The following NUP155 variants were observed in gnomAD, a reference collection of about 807,000 sequenced individuals.
NUP155 encodes the protein nucleoporin 155.
NUP155 carries 71 observed loss-of-function variants against 180.4 expected under a neutral mutation model. That is an observed-to-expected ratio of 0.39 (90% CI 0.33 to 0.48). The LOEUF (loss-of-function observed/expected upper bound fraction) is 0.48, where lower values mean the gene tolerates loss of function less well. NUP155 is among the 20% of genes least tolerant of loss of function. NUP155 has a pLI of 0.91. For missense variants in NUP155, 1,553 were observed against 1,648.9 expected (o/e 0.94, Z 1.01); for synonymous variants, 582 against 559.5 (o/e 1.04, Z -0.57).
chr5:37,318,326 A>T (rs1304573557), intron 20 of NUP155, among the ~76,000 whole-genome samples: 1 of 152,092 alleles, frequency 6.6e-6, no homozygotes, highest in Admixed American at 6.6e-5. Flanking sequence ...AATTTTCCTA[A>T]CCTGTAGAAA....
Position 37,324,008 on chromosome 5 carries a change from G to C in NUP155, c.2191C>G (p.Pro731Ala). 6.2e-7 allele frequency: 1 copy of C among 1,605,368 alleles called. No individual in the cohort carries two copies. Among genetic ancestry groups the C allele is most frequent in the Non-Finnish European group, 8.5e-7 (1 of 1,172,240 alleles). The part of the protein sequence containing the change: ...LDRNSQFAGG[P>A]LGNPNTTAKV... Reference sequence around the variant, plus strand: ...TATTCTTACTTTGGATTTCCTAATGGTCCTCCTGCAAACTGGGAGTTTCTG... The same window carrying C: ...TATTCTTACTTTGGATTTCCTAATGCTCCTCCTGCAAACTGGGAGTTTCTG... Residue 731 changes from proline to alanine, a missense_variant, in exon 20 of 35, where the codon CCA becomes GCA. Physicochemically the swap from Pro to Ala is conservative, Grantham distance 27. Coordinates refer to ENST00000231498, the MANE Select transcript of NUP155 (RefSeq NM_153485.3).
intron 14 of NUP155, among the ~76,000 whole-genome samples, chr5:37,330,541 C>G (rs1402188530): frequency 6.6e-6 from 1 of 152,044 alleles, no homozygotes; most frequent in Admixed American, 6.6e-5. Context: ...AAACTGAAGC[C>G]CAGAGAAGTC....
chr5:37,305,933 T>C (rs567945205), intron 25 of NUP155, among the ~76,000 whole-genome samples: 20 of 151,916 alleles, frequency 1.3e-4, no homozygotes, highest in Non-Finnish European at 2.6e-4. Flanking sequence ...AAGAAAGCCA[T>C]TGATTTACCT....
intron 3 of NUP155, among the ~76,000 whole-genome samples, chr5:37,362,918 T>C (rs997416287): frequency 2.0e-5 from 3 of 152,156 alleles, no homozygotes; most frequent in Non-Finnish European, 4.4e-5. Context: ...AGTGTTTTGT[T>C]GTTGTTGTTT....
At chr5:37,351,409 A>AT in intron 5 of NUP155, 53 bp from the exon 6 acceptor site, 1 of 1,295,756 alleles carries the variant, frequency 7.7e-7, no homozygotes, top group Non-Finnish European at 1.1e-6. Flanking sequence ...ACAGTTTTTA[A>AT]AAATCTTTGC....
chr5:37,354,883 G>C (rs1469853190), intron 4 of NUP155, among the ~76,000 whole-genome samples: 2 of 152,060 alleles, frequency 1.3e-5, no homozygotes, highest in Admixed American at 6.5e-5. Flanking sequence ...CTTGAGGTCA[G>C]GAGTTCGAGA....
At chr5:37,361,573 C>T (rs1346961107) in intron 3 of NUP155, among the ~76,000 whole-genome samples, 5 of 152,136 alleles carry the variant, frequency 3.3e-5, no homozygotes, top group Non-Finnish European at 7.4e-5. Context: ...ATAACTGGCA[C>T]AGCCTCTTGG....
intron 3 of NUP155, among the ~76,000 whole-genome samples, chr5:37,363,378 G>A: frequency 6.6e-6 from 1 of 152,144 alleles, no homozygotes; most frequent in East Asian, 1.9e-4. Context: ...TCTCTAAAAA[G>A]TCAACAGGGA....
At chr5:37,295,887 C>A (rs1246121185) in intron 32 of NUP155, among the ~76,000 whole-genome samples, 3 of 148,628 alleles carry the variant, frequency 2.0e-5, no homozygotes, top group African/African-American at 7.6e-5. Context: ...GGGGGGTCAG[C>A]CCCCCGCCTG....
In NUP155 at chr5:37,350,189, G is replaced by C; in HGVS notation, c.800C>G (p.Ser267Cys). ...TTCTGAGAACGTGAATTGTAGCAAG[G>C]AAGGAACAAGGAAAGAAAGTGAGCT... ...SKSSLSFLVP[S>C]LLQFTFSEDD... Residue 267 changes from serine (S) to cysteine (C), a missense_variant, in exon 7 of 35, where the codon TCC (serine) becomes TGC (cysteine). Coordinates refer to ENST00000231498, the MANE Select transcript of NUP155 (RefSeq NM_153485.3). 1 of 1,613,804 alleles carries C rather than the reference G, an allele frequency of 6.2e-7. No homozygotes were observed. The highest frequency in any genetic ancestry group is 8.5e-7 in the Non-Finnish European group (1 of 1,179,818).
rs938901382 is a variant in NUP155 at position 37,289,486 on chromosome 5, T to A, written c.*2414A>T. The A allele has an allele frequency of 1.3e-5, 2 of 152,278 alleles. No homozygotes were observed. The highest frequency in any genetic ancestry group is 4.8e-5 in the African/African-American group (2 of 41,570). The allele number at this position is 152,278 out of a possible 1,614,324, so 9.4% of individuals were successfully genotyped here. On this transcript the variant is annotated 3_prime_UTR_variant, in exon 35 of 35. Transcript: ENST00000231498. Reference sequence around the variant, plus strand: ...CGGCTGATTGTTCTGAATGTGAAAGTTTTAGAAACACTGTTCCAAGGGTAA... The same window carrying A: ...CGGCTGATTGTTCTGAATGTGAAAGATTTAGAAACACTGTTCCAAGGGTAA...
At chr5:37,335,645 T>A (rs1188100717) in intron 12 of NUP155, among the ~76,000 whole-genome samples, 1 of 152,020 alleles carries the variant, frequency 6.6e-6, no homozygotes, top group South Asian at 2.1e-4. Context: ...ACAAACCATA[T>A]AATAACATTT....
At chr5:37,347,780 T>G (rs1746193126) in intron 9 of NUP155, among the ~76,000 whole-genome samples, 1 of 151,274 alleles carries the variant, frequency 6.6e-6, no homozygotes, top group Non-Finnish European at 1.5e-5. Context: ...GTGGGTAGAT[T>G]ACCTGAGGTC....
chr5:37,313,471 A>ATATGTGTG (rs1271146747), intron 22 of NUP155, among the ~76,000 whole-genome samples: 4 of 94,438 alleles, frequency 4.2e-5, no homozygotes, highest in African/African-American at 2.1e-4. Context: ...GGAGTGGTGT[A>ATATGTGTG]TATGTGTGTG....
At chr5:37,358,042 A>G in intron 4 of NUP155, 39 bp downstream of exon 4, 7 of 1,405,094 alleles carry the variant, frequency 5.0e-6, no homozygotes, top group Non-Finnish European at 7.1e-6. Context: ...GAGTTTACAT[A>G]TACAAACATA....
At position 37,370,992 on chromosome 5, in the gene NUP155, A is replaced by G; in HGVS notation, c.-15T>C. 6.2e-7 allele frequency: 1 copy of G among 1,613,176 alleles called. No individual in the cohort carries two copies. The highest frequency in any genetic ancestry group is 8.5e-7 in the Non-Finnish European group (1 of 1,179,702). ...GAAGACGGCATCTCGGAAATCGTAG[A>G]CACCAGGGTCCAGAAAAAGTCAAAA... On this transcript the variant is annotated 5_prime_UTR_variant, in exon 1 of 35. Coordinates refer to ENST00000231498, the MANE Select transcript of NUP155 (RefSeq NM_153485.3).
chr5:37,351,613 A>AT (rs995387885), intron 5 of NUP155, among the ~76,000 whole-genome samples: 9 of 150,066 alleles, frequency 6.0e-5, no homozygotes, highest in African/African-American at 1.7e-4. Flanking sequence ...TGCCCAGCTA[A>AT]TTTTTTTTTG....
At chr5:37,369,260 G>C (rs978321407) in intron 1 of NUP155, among the ~76,000 whole-genome samples, 4 of 151,836 alleles carry the variant, frequency 2.6e-5, no homozygotes, top group African/African-American at 9.7e-5. Context: ...CAAAAAAAAA[G>C]AACAAGAAAA....
rs532359699 is a variant in NUP155 at position 37,292,770 on chromosome 5, T to C, written c.4037+109A>G. On this transcript the variant is annotated intron_variant, in intron 34 of 34. Coordinates refer to ENST00000231498, the MANE Select transcript of NUP155 (RefSeq NM_153485.3). Reference sequence around the variant, plus strand: ...GTGATCAATATCATTCAAATAGTTATTGCTAATATACACAAGAATCTTCCC... The same window carrying C: ...GTGATCAATATCATTCAAATAGTTACTGCTAATATACACAAGAATCTTCCC... The C allele has an allele frequency of 6.9e-6, 5 of 722,896 alleles. No homozygotes were observed. The East Asian group carries it at 1.0e-4, about 15-fold the overall frequency. 44.8% of individuals were successfully genotyped at this position (722,896 alleles called of 1,614,324 possible).
Sources: gnomAD v4.1 joint callset for allele counts (sites outside exome capture counted in the v4.1 genomes callset) on GRCh38, gnomAD v4.1.1 for gene constraint, MANE v1.5 for transcripts, NCBI Gene and HGNC (gene_info 2026-07-23, HGNC 2026-07-21) for gene names.